The following THAP9 variants were observed in gnomAD, a reference collection of about 807,000 sequenced individuals.
The protein encoded by THAP9 is THAP domain containing 9.
A neutral mutation model predicts 35.7 loss-of-function variants in THAP9; 20 were observed. The observed-to-expected ratio is 0.56, with a 90% CI of 0.39 to 0.81. The LOEUF is 0.81. THAP9 is among the 40% of genes least tolerant of loss of function. THAP9 has a pLI of 0.00. For synonymous variants in THAP9, 335 were observed against 373.7 expected (o/e 0.90, Z 1.19); for missense variants, 870 against 1,047.4 (o/e 0.83, Z 2.34).
Position 82,917,406 on chromosome 4 carries a change from A to G in THAP9, c.1194A>G (p.Thr398=). The part of the protein sequence containing the change: ...IHIDGDDMKC[T]FQHPSSSSQQ... ...TTGATGGAGACGACATGAAATGTACATTTCAGCATCCTTCATCTTCTAGTC... is the reference window on the plus strand; with the variant it reads ...TTGATGGAGACGACATGAAATGTACGTTTCAGCATCCTTCATCTTCTAGTC... The change falls in exon 5 of 5, where the codon ACA becomes ACG. Residue 398 remains threonine (T), a synonymous_variant. Transcript: ENST00000302236. 6.2e-7 allele frequency: 1 copy of G among 1,613,942 alleles called. No individual in the cohort carries two copies. Among genetic ancestry groups the G allele is most frequent in the Non-Finnish European group, 8.5e-7 (1 of 1,179,920 alleles).
chr4:82,917,750 T>C lies in THAP9; in HGVS notation c.1538T>C (p.Leu513Ser). The C allele has an allele frequency of 1.2e-6, 2 of 1,614,050 alleles. No individual in the cohort carries two copies. Among genetic ancestry groups the C allele is most frequent in the Non-Finnish European group, 1.7e-6 (2 of 1,179,962 alleles). Residue 513 changes from leucine to serine, a missense_variant, in exon 5 of 5, where the codon TTA becomes TCA. Leu to Ser is a moderately radical substitution (Grantham distance 145, BLOSUM62 -2). Coordinates refer to ENST00000302236, the MANE Select transcript of THAP9 (RefSeq NM_024672.6). ...NCIGTIHFLR[L>S]INNLFDIFNS... ...ATTGGTACCATCCATTTTTTACGTT[T>C]AATTAACAATCTGTTTGACATCTTT...
rs1721096559 is a variant in THAP9 at position 82,917,886 on chromosome 4, T to G, written c.1674T>G (p.Ser558=). The G allele has an allele frequency of 6.2e-7, 1 of 1,613,598 alleles. No individual in the cohort carries two copies. Among genetic ancestry groups the G allele is most frequent in the Non-Finnish European group, 8.5e-7 (1 of 1,179,888 alleles). The change falls in exon 5 of 5, where the codon TCT becomes TCG. Residue 558 remains serine (S), a synonymous_variant. Transcript: ENST00000302236. ...IEAKTIFVTL[S]DTSNNQIIKG... is the part of the protein sequence containing the mutation. ...CCAAGACTATTTTTGTTACATTATC[T>G]GACACTAGCAATAATCAAATAATTA...
intron 4 of THAP9, among the ~76,000 whole-genome samples, chr4:82,914,622 T>C (rs571015571): frequency 5.5e-4 from 84 of 152,232 alleles, no homozygotes; most frequent in Admixed American, 9.2e-4. Flanking sequence ...CATGTATGTC[T>C]TTTGAAAAGT....
In THAP9 at chr4:82,906,320, A is replaced by T. The variant is rs747749908; in HGVS notation, c.277-4A>T. ...ATAACTTTAATTTTATATATCTGTC[A>T]TAGATTCCTCAAGGTGTACATCTTA... On this transcript the variant is annotated splice_polypyrimidine_tract_variant and splice_region_variant and intron_variant, in intron 2 of 4. Coordinates refer to ENST00000302236, the MANE Select transcript of THAP9 (RefSeq NM_024672.6). 19 of 1,567,220 alleles carry T rather than the reference A, an allele frequency of 1.2e-5. No homozygotes were observed. The Admixed American group carries it at 3.6e-4, about 30-fold the overall frequency.
intron 4 of THAP9, among the ~76,000 whole-genome samples, chr4:82,914,707 A>G (rs1720982292): frequency 6.6e-6 from 1 of 152,082 alleles, no homozygotes; most frequent in Non-Finnish European, 1.5e-5. Context: ...CAGATGCTGG[A>G]TATTAGGCTT....
In THAP9 at chr4:82,918,761, A is replaced by G; in HGVS notation, c.2549A>G (p.Asn850Ser). Residue 850 changes from asparagine (N) to serine (S), a missense_variant, in exon 5 of 5, where the codon AAT becomes AGT. Transcript: ENST00000302236. ...TGTTTCTTAAATATCAGAGCTAAAA[A>G]TGTTGCACAGAATCCTTTAAAACAT... is the stretch of plus-strand genomic sequence containing the variant. ...IICFLNIRAK[N>S]VAQNPLKHHS... The G allele has an allele frequency of 1.2e-6, 2 of 1,613,902 alleles. No individual in the cohort carries two copies. The highest frequency in any genetic ancestry group is 2.2e-5 in the East Asian group (1 of 44,848).
rs371329202 is a variant in THAP9 at position 82,908,999 on chromosome 4, C to A, written c.731+1064C>A. 6.6e-5 allele frequency among the ~76,000 whole-genome samples: 10 copies of A among 152,096 alleles called. No homozygotes were observed. In the East Asian group the frequency reaches 1.7e-3, roughly 26 times the overall value. On this transcript the variant is annotated intron_variant, in intron 4 of 4. Coordinates refer to ENST00000302236, the MANE Select transcript of THAP9 (RefSeq NM_024672.6). ...TTGGCTCACTGCAACCTCCGCCTCC[C>A]AGGTTCGACCCATTCTCCTGCCTCA...
At chr4:82,910,728 A>C in intron 4 of THAP9, 1 of 529,924 alleles carries the variant, frequency 1.9e-6, no homozygotes, top group Non-Finnish European at 3.4e-6. Flanking sequence ...GAAAACCAGG[A>C]GATTGTGATG....
rs1720660255 is a variant in THAP9 at position 82,906,638 on chromosome 4, C to T, written c.580+11C>T. On this transcript the variant is annotated intron_variant, in intron 3 of 4. Coordinates refer to ENST00000302236, the MANE Select transcript of THAP9 (RefSeq NM_024672.6). ...GAGCTCAATTTTCAGGTACTTCCCC[C>T]TAGTAACCTGTAGTATTTACAAAAA... 3.2e-6 allele frequency: 5 copies of T among 1,573,214 alleles called. No homozygotes were observed. In the South Asian group the frequency reaches 5.9e-5, roughly 19 times the overall value.
chr4:82,910,789 G>C (rs1014391212), intron 4 of THAP9: 1 of 443,818 alleles, frequency 2.3e-6, no homozygotes, highest in African/African-American at 2.0e-5. Flanking sequence ...AGTCCACTAT[G>C]TCAAATGCTG....
intron 1 of THAP9, among the ~76,000 whole-genome samples, chr4:82,901,914 T>C (rs893332208): frequency 6.6e-6 from 1 of 152,142 alleles, no homozygotes; most frequent in African/African-American, 2.4e-5. Flanking sequence ...CTCTGGGTCT[T>C]GGTTTCTTCT....
In THAP9 at chr4:82,917,221, C is replaced by T; in HGVS notation, c.1009C>T (p.Leu337Phe). The T allele has an allele frequency of 6.2e-7, 1 of 1,614,072 alleles. No homozygotes were observed. ...VGIFGHWRTP[L>F]GYFFVNRASG... is the part of the protein sequence containing the mutation. The stretch of plus-strand genomic sequence containing the variant: ...TATTTTTGGCCATTGGAGAACACCT[C>T]TTGGTTATTTTTTTGTAAACAGAGC... Residue 337 changes from leucine (L) to phenylalanine (F), a missense_variant, in exon 5 of 5, where the codon CTT becomes TTT. Around this residue, in one of 3 missense-constraint regions of THAP9, gnomAD observed 440 missense variants for 501.2 expected, o/e 0.88. Transcript: ENST00000302236.
intron 4 of THAP9, chr4:82,913,459 T>G (rs1306074345): frequency 6.6e-6 from 1 of 152,186 alleles, no homozygotes; most frequent in Non-Finnish European, 1.5e-5. Flanking sequence ...AAAAAAAAAT[T>G]TTTAAACAAT....
chr4:82,902,609 C>G (rs1720471361), intron 1 of THAP9, among the ~76,000 whole-genome samples: 1 of 152,170 alleles, frequency 6.6e-6, no homozygotes, highest in Admixed American at 6.5e-5. Flanking sequence ...CGTTTAGAGA[C>G]TATACCCAAT....
At chr4:82,911,720 A>G (rs1353351208) in intron 4 of THAP9, among the ~76,000 whole-genome samples, 1 of 152,186 alleles carries the variant, frequency 6.6e-6, no homozygotes, top group East Asian at 1.9e-4. Context: ...TCAGCAGGAA[A>G]ATGAGTTTTT....
In THAP9 at chr4:82,918,255, C is replaced by T. The variant is rs1005786160; in HGVS notation, c.2043C>T (p.Ser681=). The T allele has an allele frequency of 1.2e-6, 2 of 1,614,134 alleles. No individual in the cohort carries two copies. Among genetic ancestry groups the T allele is most frequent in the African/African-American group, 2.7e-5 (2 of 75,032 alleles). ...CAGTTCAACGTCAGTATGGTGTCAG[C>T]GTTACAAAGACTGTCTTTCACGAAG... ...LWTVQRQYGV[S]VTKTVFHEEG... Residue 681 remains serine (S), a synonymous_variant, in exon 5 of 5, where the codon AGC becomes AGT. Transcript: ENST00000302236.
Position 82,900,871 on chromosome 4 carries a change from C to T in THAP9, c.69C>T (p.Leu23=), listed in dbSNP as rs749472521. The T allele has an allele frequency of 8.1e-6, 13 of 1,613,334 alleles. No homozygotes were observed. The African/African-American group carries it at 1.7e-4, about 22-fold the overall frequency. ...CCGTGCTCAGCCGGGAGCGCGGCCT[C>T]TCCTTCCACCAGTGCGTATGGGAGC... ...RDTVLSRERG[L]SFHQFPTDTI... Residue 23 remains leucine (L), a synonymous_variant, in exon 1 of 5, where the codon CTC becomes CTT. Transcript: ENST00000302236.
In THAP9 at chr4:82,918,821, G is replaced by T; in HGVS notation, c.2609G>T (p.Arg870Met). The change falls in exon 5 of 5, where the codon AGG (arginine) becomes ATG (methionine). Residue 870 changes from arginine to methionine, a missense_variant. This residue lies in a region of THAP9 where 414 missense variants were observed against 500.8 expected (regional missense o/e 0.83). Transcript: ENST00000302236. ...SERTDMKTLS[R>M]KHWSSVQDYK... ...AGAACTGATATGAAAACTTTATCAA[G>T]GAAACACTGGTCATCTGTACAGGAT... 1 of 1,613,658 alleles carries T rather than the reference G, an allele frequency of 6.2e-7. No individual in the cohort carries two copies. Among genetic ancestry groups the T allele is most frequent in the South Asian group, 1.1e-5 (1 of 91,056 alleles).
In THAP9 at chr4:82,900,745, T is replaced by C. The variant is rs1720288983; in HGVS notation, c.-58T>C. 3 of 1,579,772 alleles carry C rather than the reference T, an allele frequency of 1.9e-6. No homozygotes were observed. Among genetic ancestry groups the C allele is most frequent in the Non-Finnish European group, 2.6e-6 (3 of 1,149,768 alleles). On this transcript the variant is annotated 5_prime_UTR_variant, in exon 1 of 5. Coordinates refer to ENST00000302236, the MANE Select transcript of THAP9 (RefSeq NM_024672.6). The stretch of plus-strand genomic sequence containing the variant: ...GCAGAGTCAACGGGCGGAGCTAAAG[T>C]GGTCGTGATTCATGCTGTCGCGGGA...
Sources: allele counts gnomAD v4.1 joint callset (sites outside exome capture counted in the v4.1 genomes callset), GRCh38; gene constraint gnomAD v4.1.1; regional missense constraint gnomAD v4.1.1; transcripts MANE v1.5; gene names NCBI Gene and HGNC (gene_info 2026-07-23, HGNC 2026-07-21).